The following IMPG1 variants were observed in gnomAD, a reference collection of about 807,000 sequenced individuals.
IMPG1 encodes interphotoreceptor matrix proteoglycan of 150 kDa.
A neutral mutation model predicts 92.0 loss-of-function variants in IMPG1; 85 were observed. That is an observed-to-expected ratio of 0.92 (90% CI 0.78 to 1.11). IMPG1 has a LOEUF of 1.11. Ranked by LOEUF, IMPG1 falls within the 50% of genes least tolerant of loss-of-function variation. The pLI is 0.00. For missense variants in IMPG1, 1,022 were observed against 956.0 expected (o/e 1.07, Z -0.91); for synonymous variants, 367 against 334.1 (o/e 1.10, Z -1.08).
chr6:75,987,647 CT>C (rs529646405), intron 12 of IMPG1, among the ~76,000 whole-genome samples: 178 of 141,166 alleles, frequency 1.3e-3, no homozygotes, highest in Non-Finnish European at 1.1e-3. Context: ...GAACTCATCA[CT>C]TTTTTTTTTT....
intron 12 of IMPG1, among the ~76,000 whole-genome samples, chr6:75,988,434 C>G (rs1782758830): frequency 6.6e-6 from 1 of 152,158 alleles, no homozygotes; most frequent in African/African-American, 2.4e-5. Context: ...TGAGAAGTGT[C>G]TGTTCATATC....
chr6:76,025,742 A>G (rs1247326304), intron 4 of IMPG1, among the ~76,000 whole-genome samples: 1 of 152,184 alleles, frequency 6.6e-6, no homozygotes, highest in Non-Finnish European at 1.5e-5. Flanking sequence ...TCTGGGTAAT[A>G]TAAATTTACT....
At chr6:75,964,753 T>A (rs1782277099) in intron 12 of IMPG1, among the ~76,000 whole-genome samples, 1 of 150,128 alleles carries the variant, frequency 6.7e-6, no homozygotes, top group South Asian at 2.1e-4. Context: ...TTACCCCTAA[T>A]AACATCCTGC....
Position 75,951,066 on chromosome 6 carries a change from G to C in IMPG1, c.1320C>G (p.Ala440=), listed in dbSNP as rs776744225. 1.1e-5 allele frequency: 17 copies of C among 1,612,332 alleles called. No individual in the cohort carries two copies. In the South Asian group the frequency reaches 1.2e-4, roughly 11 times the overall value. Residue 440 remains alanine, a synonymous_variant, in exon 13 of 17, where the codon GCC becomes GCG. Coordinates refer to ENST00000369950, the MANE Select transcript of IMPG1 (RefSeq NM_001563.4). ...GTGGAGCTTCTGACAGGGAGGTAGAGGCCATAGCAGGTGGAGACCAAGAAG... is the reference window on the plus strand; with the variant it reads ...GTGGAGCTTCTGACAGGGAGGTAGACGCCATAGCAGGTGGAGACCAAGAAG... ...PDTSWSPPAM[A]STSLSEAPPF...
intron 12 of IMPG1, among the ~76,000 whole-genome samples, chr6:75,998,233 A>G (rs956967429): frequency 6.6e-6 from 1 of 152,214 alleles, no homozygotes; most frequent in African/African-American, 2.4e-5. Context: ...TTTCATGGAG[A>G]TATTGTAATA....
intron 1 of IMPG1, among the ~76,000 whole-genome samples, chr6:76,054,003 G>A (rs927210821): frequency 6.6e-6 from 1 of 152,156 alleles, no homozygotes; most frequent in South Asian, 2.1e-4. Flanking sequence ...GGACCTATCA[G>A]TTCCTGCAGA....
chr6:75,944,784 AC>A (rs1203280641), intron 14 of IMPG1, among the ~76,000 whole-genome samples: 2 of 152,160 alleles, frequency 1.3e-5, no homozygotes, highest in East Asian at 3.8e-4. Context: ...ATTCAGATTC[AC>A]TGCTTCTCCT....
chr6:75,950,790 C>G lies in IMPG1; in HGVS notation c.1596G>C (p.Glu532Asp). Residue 532 changes from glutamate to aspartate, a missense_variant, in exon 13 of 17, where the codon GAG becomes GAC. By Grantham distance (45) the Glu-to-Asp change is conservative. This residue lies in a region of IMPG1 where 332 missense variants were observed against 346.2 expected (regional missense o/e 0.96). Coordinates refer to ENST00000369950, the MANE Select transcript of IMPG1 (RefSeq NM_001563.4). ...AAACATATTCGCTGAGCTCTGGTAC[C>G]TCAGATGGGGCAGGAGTGTCAGACA... ...MDLSDTPAPS[E>D]VPELSEYVSV... 1 of 1,613,952 alleles carries G rather than the reference C, an allele frequency of 6.2e-7. No homozygotes were observed. The highest frequency in any genetic ancestry group is 8.5e-7 in the Non-Finnish European group (1 of 1,179,912).
At chr6:75,930,432 T>C (rs750464917) in intron 15 of IMPG1, among the ~76,000 whole-genome samples, 6 of 152,214 alleles carry the variant, frequency 3.9e-5, no homozygotes, top group Non-Finnish European at 7.3e-5. Context: ...AATTAACTGA[T>C]TTTCATTTTT....
chr6:75,999,663 C>T (rs1193284650), intron 12 of IMPG1, among the ~76,000 whole-genome samples: 1 of 152,098 alleles, frequency 6.6e-6, no homozygotes, highest in Non-Finnish European at 1.5e-5. Flanking sequence ...TAAGATATGT[C>T]ATTTCTACTC....
At chr6:75,922,539 G>T (rs1234182373) in intron 16 of IMPG1, among the ~76,000 whole-genome samples, 2 of 152,124 alleles carry the variant, frequency 1.3e-5, no homozygotes, top group Admixed American at 6.5e-5. Flanking sequence ...ACATAGCCAG[G>T]AATAATCAGC....
intron 4 of IMPG1, among the ~76,000 whole-genome samples, chr6:76,030,482 T>C (rs961593818): frequency 6.6e-6 from 1 of 152,148 alleles, no homozygotes; most frequent in Non-Finnish European, 1.5e-5. Flanking sequence ...CTTTTTCTCC[T>C]TTCTCCTCCT....
intron 12 of IMPG1, among the ~76,000 whole-genome samples, chr6:75,964,338 CAAT>C (rs60668272): frequency 0.024 from 3,625 of 152,108 alleles, 147 homozygotes; most frequent in African/African-American, 0.083. Context: ...TGTCTACATA[CAAT>C]GATTAAAATG....
intron 13 of IMPG1, among the ~76,000 whole-genome samples, chr6:75,949,429 A>G (rs2149456999): frequency 1.3e-5 from 2 of 152,280 alleles, no homozygotes; most frequent in South Asian, 4.1e-4. Context: ...GTTACCCTAT[A>G]TGGTCTAAAA....
At chr6:76,014,731 T>C (rs1210352312) in intron 7 of IMPG1, among the ~76,000 whole-genome samples, 1 of 152,142 alleles carries the variant, frequency 6.6e-6, no homozygotes, top group African/African-American at 2.4e-5. Flanking sequence ...GGGACTGGCA[T>C]TGTAGATGCC....
chr6:76,027,687 GT>G (rs1342930320), intron 4 of IMPG1, among the ~76,000 whole-genome samples: 1 of 152,122 alleles, frequency 6.6e-6, no homozygotes, highest in Non-Finnish European at 1.5e-5. Context: ...GTATTATATG[GT>G]TTTTTCCGTA....
chr6:76,047,723 T>C (rs139083910), intron 1 of IMPG1, among the ~76,000 whole-genome samples: 228 of 152,260 alleles, frequency 1.5e-3, no homozygotes, highest in African/African-American at 4.6e-3. Context: ...ATTAATGGGA[T>C]TTTTAGAATA....
Position 76,005,338 on chromosome 6 carries a change from C to G in IMPG1, c.1084G>C (p.Ala362Pro). 1 of 1,613,980 alleles carries G rather than the reference C, an allele frequency of 6.2e-7. No individual in the cohort carries two copies. Among genetic ancestry groups the G allele is most frequent in the Non-Finnish European group, 8.5e-7 (1 of 1,179,882 alleles). Residue 362 changes from alanine (A) to proline (P), a missense_variant, in exon 10 of 17, where the codon GCA (alanine) becomes CCA (proline). Coordinates refer to ENST00000369950, the MANE Select transcript of IMPG1 (RefSeq NM_001563.4). Reference sequence around the variant, plus strand: ...TCCAAAGATTGTTCTTCCTCTAGTGCTTTGCTGATCAGCCTTTTGAGGTCT... The same window carrying G: ...TCCAAAGATTGTTCTTCCTCTAGTGGTTTGCTGATCAGCCTTTTGAGGTCT... ...ATDLKRLISK[A>P]LEEEQSLDVG...
intron 1 of IMPG1, among the ~76,000 whole-genome samples, chr6:76,071,982 C>A (rs1259355614): frequency 1.3e-5 from 2 of 152,060 alleles, no homozygotes; most frequent in Admixed American, 6.6e-5. Context: ...TAAGGGAAAG[C>A]AACTCATGAT....
Sources: allele counts gnomAD v4.1 joint callset (sites outside exome capture counted in the v4.1 genomes callset), GRCh38; gene constraint gnomAD v4.1.1; regional missense constraint gnomAD v4.1.1; transcripts MANE v1.5; gene names NCBI Gene and HGNC (gene_info 2026-07-23, HGNC 2026-07-21).